RAB31: variants seen among roughly 807,000 people sequenced by gnomAD.
RAB31 encodes RAB31, member RAS oncogene family.
A neutral mutation model predicts 25.6 loss-of-function variants in RAB31; 21 were observed. The ratio of observed to expected loss-of-function variants is 0.82; its 90% CI spans 0.58 to 1.18. RAB31 has a LOEUF of 1.18. Among genes scored for constraint, RAB31 ranks in the 50% most tolerant of loss-of-function variants. The pLI is 0.00. For missense variants in RAB31, 196 were observed against 250.1 expected (o/e 0.78, Z 1.46); for synonymous variants, 87 against 84.0 (o/e 1.04, Z -0.20).
At chr18:9,806,786 G>A (rs963561018) in intron 3 of RAB31, among the ~76,000 whole-genome samples, 2 of 152,332 alleles carry the variant, frequency 1.3e-5, no homozygotes, top group Non-Finnish European at 1.5e-5. Context: ...GAGGTGAGAC[G>A]AGGTAGAAAG....
At chr18:9,731,876 T>A (rs1298624498) in intron 1 of RAB31, among the ~76,000 whole-genome samples, 1 of 152,170 alleles carries the variant, frequency 6.6e-6, no homozygotes, top group East Asian at 1.9e-4. Context: ...ATTACAGGCA[T>A]GAGCCACCAT....
intron 1 of RAB31, among the ~76,000 whole-genome samples, chr18:9,758,990 G>A (rs1250250290): frequency 6.6e-6 from 1 of 152,058 alleles, no homozygotes; most frequent in South Asian, 2.1e-4. Flanking sequence ...AGATTAGACA[G>A]AATTGATAAT....
chr18:9,739,946 A>AT (rs2068169679), intron 1 of RAB31, among the ~76,000 whole-genome samples: 1 of 152,150 alleles, frequency 6.6e-6, no homozygotes. Flanking sequence ...AGCATCTTTT[A>AT]TTTTCCAATG....
At chr18:9,821,289 G>A (rs979042396) in intron 5 of RAB31, among the ~76,000 whole-genome samples, 4 of 151,976 alleles carry the variant, frequency 2.6e-5, no homozygotes, top group African/African-American at 4.8e-5. Context: ...TTCTAAGTGA[G>A]CCCGATGACA....
chr18:9,848,414 G>C (rs901407578), intron 6 of RAB31, among the ~76,000 whole-genome samples: 3 of 152,136 alleles, frequency 2.0e-5, no homozygotes, highest in Admixed American at 2.0e-4. Flanking sequence ...CCATCCGTCT[G>C]TCTGTCCATC....
chr18:9,726,412 G>A (rs757807109), intron 1 of RAB31, among the ~76,000 whole-genome samples: 11 of 152,188 alleles, frequency 7.2e-5, no homozygotes, highest in Non-Finnish European at 1.5e-4. Context: ...GCACGTATTC[G>A]CTGTGGCAAA....
In RAB31 at chr18:9,816,181, T is replaced by G. The variant is rs1029063797; in HGVS notation, c.380+959T>G. On this transcript the variant is annotated intron_variant, in intron 5 of 6. Transcript: ENST00000578921. The stretch of plus-strand genomic sequence containing the variant: ...CCTGAGTGTACAAAGGTATCATGCC[T>G]TTGTTATGTCTGCCCTCAGTGTAGT... 3 of 216,630 alleles carry G rather than the reference T, an allele frequency of 1.4e-5. No individual in the cohort carries two copies. The Admixed American group carries it at 1.7e-4, about 12-fold the overall frequency. The allele number at this position is 216,630 out of a possible 1,614,324, so 13.4% of individuals were successfully genotyped here. A position where few individuals can be genotyped will look rare whatever the true frequency, so the allele number is the denominator to read the frequency against.
intron 5 of RAB31, among the ~76,000 whole-genome samples, chr18:9,817,473 G>T (rs2068604705): frequency 6.6e-6 from 1 of 152,144 alleles, no homozygotes; most frequent in Non-Finnish European, 1.5e-5. Flanking sequence ...TTAGTCTCTG[G>T]AGAGATACTG....
At chr18:9,816,506 A>T (rs1468233579) in intron 5 of RAB31, among the ~76,000 whole-genome samples, 2 of 152,212 alleles carry the variant, frequency 1.3e-5, no homozygotes, top group South Asian at 2.1e-4. Context: ...TTTTCATAGC[A>T]TACCTGTTTG....
At chr18:9,726,244 T>C (rs959588560) in intron 1 of RAB31, 2 of 152,202 alleles carry the variant, frequency 1.3e-5, no homozygotes, top group African/African-American at 4.8e-5. Flanking sequence ...GTTTGTGAAA[T>C]GTGATCAATC....
intron 1 of RAB31, among the ~76,000 whole-genome samples, chr18:9,774,407 A>G (rs2068361485): frequency 6.6e-6 from 1 of 151,914 alleles, no homozygotes; most frequent in Non-Finnish European, 1.5e-5. Context: ...CTTTCAACTG[A>G]TCTGTTTTCA....
chr18:9,845,860 C>A (rs2239508), intron 6 of RAB31, among the ~76,000 whole-genome samples, 169 bp downstream of exon 6: 52,392 of 152,048 alleles, frequency 0.34, 10,731 homozygotes, highest in East Asian at 0.58. Context: ...CTTCTATTAT[C>A]CTCTCGATTC....
At chr18:9,748,538 C>G (rs887801024) in intron 1 of RAB31, among the ~76,000 whole-genome samples, 2 of 151,218 alleles carry the variant, frequency 1.3e-5, no homozygotes, top group Non-Finnish European at 2.9e-5. Context: ...TATAGATTAG[C>G]CTAAAGAACG....
chr18:9,734,035 C>T (rs1273417305), intron 1 of RAB31, among the ~76,000 whole-genome samples: 1 of 145,314 alleles, frequency 6.9e-6, no homozygotes, highest in Non-Finnish European at 1.5e-5. Context: ...ATGGGAGAGG[C>T]ATGCCCTGTA....
intron 6 of RAB31, among the ~76,000 whole-genome samples, chr18:9,850,266 C>A (rs2068782591): frequency 6.6e-6 from 1 of 152,076 alleles, no homozygotes; most frequent in Non-Finnish European, 1.5e-5. Flanking sequence ...TTGTGGTGAA[C>A]CCAAGTTTTG....
In RAB31 at chr18:9,840,078, A is replaced by G. The variant is rs1475521563; in HGVS notation, c.381-5504A>G. Among the ~76,000 whole-genome samples the G allele has an allele frequency of 7.2e-5, 11 of 152,308 alleles. No individual in the cohort carries two copies. In the East Asian group the frequency reaches 1.4e-3, roughly 19 times the overall value. ...GGTGTGCTTCAGACAGTCAGAGAAGAAACCCTGAGTAATGCTGACATTGAT... is the reference window on the plus strand; with the variant it reads ...GGTGTGCTTCAGACAGTCAGAGAAGGAACCCTGAGTAATGCTGACATTGAT... On this transcript the variant is annotated intron_variant, in intron 5 of 6. Transcript: ENST00000578921.
intron 1 of RAB31, among the ~76,000 whole-genome samples, chr18:9,719,324 TATATAAATAA>T (rs1225162271): frequency 0.014 from 1,082 of 74,824 alleles, 109 homozygotes; most frequent in African/African-American, 0.038. Flanking sequence ...TATATATATA[TATATAAATAA>T]ATAAATTTGA....
chr18:9,772,002 G>A (rs1033490324), intron 1 of RAB31, among the ~76,000 whole-genome samples: 1 of 152,200 alleles, frequency 6.6e-6, no homozygotes, highest in Non-Finnish European at 1.5e-5. Flanking sequence ...ACAAGTTGGC[G>A]TTGACGCTTG....
intron 1 of RAB31, among the ~76,000 whole-genome samples, chr18:9,712,835 C>T (rs938066392): frequency 3.3e-5 from 5 of 152,166 alleles, no homozygotes. Context: ...AAATTCCTAC[C>T]ACTTCCTCAA....
Sources: allele counts gnomAD v4.1 joint callset (sites outside exome capture counted in the v4.1 genomes callset), GRCh38; gene constraint gnomAD v4.1.1; transcripts MANE v1.5; gene names NCBI Gene and HGNC (gene_info 2026-07-23, HGNC 2026-07-21).